The following HACD4 variants were observed in gnomAD, a reference collection of about 807,000 sequenced individuals.
HACD4 encodes the protein 3-hydroxyacyl-CoA dehydratase 4.
A neutral mutation model predicts 33.3 loss-of-function variants in HACD4; 35 were observed. The observed-to-expected ratio is 1.05, with a 90% CI of 0.80 to 1.39. The LOEUF (loss-of-function observed/expected upper bound fraction) is 1.39. Ranked by LOEUF, HACD4 falls within the 40% of genes most tolerant of loss-of-function variation. The probability of loss-of-function intolerance (pLI) is 0.00; values close to 1 mark genes in which losing one functional copy is unlikely to be tolerated. For synonymous variants in HACD4, 118 were observed against 98.0 expected (o/e 1.20, Z -1.21); for missense variants, 323 against 276.5 (o/e 1.17, Z -1.19).
At chr9:21,007,953 G>A (rs1842310128) in intron 6 of HACD4, 68 bp downstream of exon 6, 3 of 1,436,146 alleles carry the variant, frequency 2.1e-6, no homozygotes, top group East Asian at 4.9e-5. Flanking sequence ...TGTATATTAA[G>A]GTAGACGGCA....
intron 3 of HACD4, among the ~76,000 whole-genome samples, chr9:21,019,563 T>C (rs1817851505): frequency 6.6e-6 from 1 of 152,086 alleles, no homozygotes; most frequent in African/African-American, 2.4e-5. Flanking sequence ...ACATTGTATT[T>C]ACAGGAAAAC....
At chr9:21,010,455 T>TTTC (rs1383587162) in intron 5 of HACD4, among the ~76,000 whole-genome samples, 1 of 6,434 alleles carries the variant, frequency 1.6e-4, no homozygotes, top group African/African-American at 2.4e-4. Context: ...GACATCCTGG[T>TTTC]ACCCCCCCCC....
At position 21,002,331 on chromosome 9, in the gene HACD4, A is replaced by G. The variant is rs1264534129; in HGVS notation, c.*4706T>C. 1.3e-5 allele frequency: 2 copies of G among 152,172 alleles called. No homozygotes were observed. Among genetic ancestry groups the G allele is most frequent in the African/African-American group, 4.8e-5 (2 of 41,456 alleles). The allele number at this position is 152,172 out of a possible 1,614,324, so 9.4% of individuals were successfully genotyped here. On this transcript the variant is annotated 3_prime_UTR_variant, in exon 7 of 7. Coordinates refer to ENST00000495827, the MANE Select transcript of HACD4 (RefSeq NM_001010915.5). ...GGGACAAAAAAGCTAAGCTATGTAG[A>G]AAACAAATAGCAAAATGACAGGAGT...
intron 5 of HACD4, among the ~76,000 whole-genome samples, chr9:21,010,665 AT>A (rs1842397123): frequency 6.6e-6 from 1 of 152,136 alleles, no homozygotes; most frequent in Non-Finnish European, 1.5e-5. Context: ...CACAACATTT[AT>A]TGTGTACTTT....
rs529629821 is a variant in HACD4, at chr9:21,031,296, G to T, written c.38+257C>A. On this transcript the variant is annotated intron_variant, in intron 1 of 6. Transcript: ENST00000495827. ...GAAGTACTGGCAGAGGGCTCACAAG[G>T]GCAGGGGTAGCCATGCAGCCTGTCC... is the stretch of plus-strand genomic sequence containing the variant. 2.0e-5 allele frequency: 5 copies of T among 247,458 alleles called. No individual in the cohort carries two copies. The South Asian group carries it at 4.4e-4, about 22-fold the overall frequency. The allele number at this position is 247,458 out of a possible 1,614,324, so 15.3% of individuals were successfully genotyped here.
intron 3 of HACD4, among the ~76,000 whole-genome samples, chr9:21,023,827 A>T (rs4495517): frequency 6.6e-6 from 1 of 152,110 alleles, no homozygotes; most frequent in Non-Finnish European, 1.5e-5. Context: ...CGACCGCCTC[A>T]GCCTCCCAAA....
chr9:21,011,738 T>C, intron 4 of HACD4, 43 bp from the exon 5 acceptor site: 1 of 1,051,996 alleles, frequency 9.5e-7, no homozygotes, highest in Non-Finnish European at 1.4e-6. Flanking sequence ...TTTCTGCTAA[T>C]ATCTGGGAAA....
In HACD4 at chr9:21,020,673, T is replaced by C. The variant is rs537207693; in HGVS notation, c.271-4663A>G. ...TAGTTTTGATTTATATTATCATTTC[T>C]TTTATGCTTCTTTTGGACCATTTTA... is the stretch of plus-strand genomic sequence containing the variant. On this transcript the variant is annotated intron_variant, in intron 3 of 6. Transcript: ENST00000495827. Among the ~76,000 whole-genome samples the C allele has an allele frequency of 9.2e-5, 14 of 152,334 alleles. No homozygotes were observed. In the South Asian group the frequency reaches 2.9e-3, roughly 32 times the overall value.
chr9:21,014,142 G>A (rs1387784097), intron 4 of HACD4, among the ~76,000 whole-genome samples: 1 of 152,086 alleles, frequency 6.6e-6, no homozygotes, highest in African/African-American at 2.4e-5. Context: ...GCTAGGGTAG[G>A]GTGGGATGAT....
intron 4 of HACD4, chr9:21,015,321 G>A (rs1842530745): frequency 6.6e-6 from 1 of 152,188 alleles, no homozygotes; most frequent in Non-Finnish European, 1.5e-5. Flanking sequence ...TCCCCAGAGT[G>A]AGGCGTAAGC....
At chr9:21,009,619 G>T (rs1360415686) in intron 5 of HACD4, among the ~76,000 whole-genome samples, 1 of 152,122 alleles carries the variant, frequency 6.6e-6, no homozygotes, top group African/African-American at 2.4e-5. Flanking sequence ...TGTGTACAAT[G>T]TGGAATGATT....
At chr9:21,019,974 A>T (rs1161513730) in intron 3 of HACD4, among the ~76,000 whole-genome samples, 1 of 151,998 alleles carries the variant, frequency 6.6e-6, no homozygotes, top group African/African-American at 2.4e-5. Flanking sequence ...TCCTTTGGGA[A>T]TTCCTTCATA....
chr9:21,009,539 TTTGA>T (rs1300531327), intron 5 of HACD4, among the ~76,000 whole-genome samples: 1 of 152,182 alleles, frequency 6.6e-6, no homozygotes, highest in Non-Finnish European at 1.5e-5. Context: ...TTCTTTTAAA[TTTGA>T]TTAAGTTTTA....
intron 3 of HACD4, 88 bp from the exon 4 acceptor site, chr9:21,016,098 A>G (rs1333653655): frequency 8.6e-6 from 7 of 809,254 alleles, no homozygotes; most frequent in Non-Finnish European, 1.4e-5. Context: ...ATCTCCTTTC[A>G]AAAGTATACT....
At chr9:21,016,219 T>C (rs762831757) in intron 3 of HACD4, among the ~76,000 whole-genome samples, 3 of 152,210 alleles carry the variant, frequency 2.0e-5, no homozygotes, top group Non-Finnish European at 4.4e-5. Flanking sequence ...TAATATATAA[T>C]GAATGAAAAA....
chr9:21,016,756 G>A (rs1351255949), intron 3 of HACD4, among the ~76,000 whole-genome samples: 1 of 151,074 alleles, frequency 6.6e-6, no homozygotes, highest in Non-Finnish European at 1.5e-5. Context: ...AGAAATTTCA[G>A]TTCCATCCAA....
At chr9:21,009,037 C>T (rs903659224) in intron 5 of HACD4, among the ~76,000 whole-genome samples, 1 of 152,134 alleles carries the variant, frequency 6.6e-6, no homozygotes, top group East Asian at 1.9e-4. Flanking sequence ...TAACACAGGC[C>T]GCACCTATGT....
In HACD4 at chr9:21,022,748, G is replaced by A. The variant is rs372401121; in HGVS notation, c.270+3848C>T. 1.6e-4 allele frequency among the ~76,000 whole-genome samples: 25 copies of A among 151,572 alleles called. No individual in the cohort carries two copies. In the East Asian group the frequency reaches 2.3e-3, roughly 14 times the overall value. On this transcript the variant is annotated intron_variant, in intron 3 of 6. Coordinates refer to ENST00000495827, the MANE Select transcript of HACD4 (RefSeq NM_001010915.5). ...TGCTGGAGAGGATGTGGAGAAATAG[G>A]AACACTTTTACACTGTTGGTGGGAC...
chr9:21,018,635 T>C (rs975300371), intron 3 of HACD4, among the ~76,000 whole-genome samples: 1 of 152,216 alleles, frequency 6.6e-6, no homozygotes, highest in African/African-American at 2.4e-5. Context: ...TAGCCCTTTG[T>C]CATTTTTAAC....
Sources: allele counts gnomAD v4.1 joint callset (sites outside exome capture counted in the v4.1 genomes callset), GRCh38; gene constraint gnomAD v4.1.1; transcripts MANE v1.5; gene names NCBI Gene and HGNC (gene_info 2026-07-23, HGNC 2026-07-21).